Variants in DNAH12 observed in about 807,000 individuals in gnomAD.
DNAH12 encodes axonemal beta dynein heavy chain 12.
DNAH12 carries 285 observed loss-of-function variants against 371.5 expected under a neutral mutation model. That is an observed-to-expected ratio of 0.77 (90% CI 0.70 to 0.85). The LOEUF is 0.85. DNAH12 is among the 40% of genes least tolerant of loss of function. The probability of loss-of-function intolerance (pLI) is 0.00; values close to 1 mark genes in which losing one functional copy is unlikely to be tolerated. For missense variants in DNAH12, 3,611 were observed against 3,689.4 expected, an observed-to-expected ratio of 0.98 and a Z score of 0.55; for synonymous variants, 1,200 against 1,213.0, an observed-to-expected ratio of 0.99 and a Z score of 0.22.
intron 65 of DNAH12, among the ~76,000 whole-genome samples, chr3:57,317,911 G>C (rs1447902214): frequency 1.3e-5 from 2 of 152,110 alleles, no homozygotes; most frequent in Non-Finnish European, 2.9e-5. Flanking sequence ...TTTCCCTGCT[G>C]ACTACTGACA....
chr3:57,520,008 C>A, intron 4 of DNAH12: 1 of 780,514 alleles, frequency 1.3e-6, no homozygotes, highest in South Asian at 1.5e-5. Flanking sequence ...CCACGTCGGC[C>A]ATGGTAGCGC....
intron 11 of DNAH12, among the ~76,000 whole-genome samples, chr3:57,491,880 CCT>C (rs2067138843): frequency 6.6e-6 from 1 of 151,980 alleles, no homozygotes; most frequent in Non-Finnish European, 1.5e-5. Context: ...GTGGCGTGTG[CCT>C]GTAGTCTCAG....
At chr3:57,310,582 A>C in intron 67 of DNAH12, 135 bp downstream of exon 67, 1 of 693,196 alleles carries the variant, frequency 1.4e-6, no homozygotes, top group Non-Finnish European at 2.4e-6. Context: ...TTCAGTAATT[A>C]CTAGAAAAAG....
In DNAH12 at chr3:57,358,226, G is replaced by A. The variant is rs961258357; in HGVS notation, c.9361-878C>T. Reference sequence around the variant, plus strand: ...GGAGAATTAAAACTTTAAAAGCCTCGGAAACTGAAGTTAGGTGGCATTGGC... The same window carrying A: ...GGAGAATTAAAACTTTAAAAGCCTCAGAAACTGAAGTTAGGTGGCATTGGC... On this transcript the variant is annotated intron_variant, in intron 58 of 73. Transcript: ENST00000495027. Among the ~76,000 whole-genome samples, 45 of 152,114 alleles carry A rather than the reference G, an allele frequency of 3.0e-4. 1 individual carries two copies. Among genetic ancestry groups the A allele is most frequent in the Non-Finnish European group, 5.1e-4 (35 of 68,022 alleles).
chr3:57,383,577 G>A (rs1446949891), intron 49 of DNAH12, among the ~76,000 whole-genome samples: 7 of 147,782 alleles, frequency 4.7e-5, no homozygotes, highest in Non-Finnish European at 1.5e-5. Flanking sequence ...GGTAATAAGT[G>A]ACTCTTAAAT....
chr3:57,494,013 A>C (rs1282107096), intron 11 of DNAH12, among the ~76,000 whole-genome samples: 1 of 152,174 alleles, frequency 6.6e-6, no homozygotes, highest in Non-Finnish European at 1.5e-5. Flanking sequence ...CAGGAGGATC[A>C]CTTGCATCCA....
At chr3:57,372,584 A>G (rs1024150407) in intron 55 of DNAH12, among the ~76,000 whole-genome samples, 2 of 152,094 alleles carry the variant, frequency 1.3e-5, no homozygotes, top group African/African-American at 4.8e-5. Flanking sequence ...AGAGAATTAT[A>G]CTGTTGAAAG....
At chr3:57,530,289 T>C (rs1216852274) in intron 2 of DNAH12, 3 of 303,142 alleles carry the variant, frequency 9.9e-6, no homozygotes, top group Non-Finnish European at 1.8e-5. Context: ...TTTTTTTTCT[T>C]GTTACAGAAC....
chr3:57,456,243 G>A (rs1457507126), intron 22 of DNAH12, among the ~76,000 whole-genome samples: 1 of 152,124 alleles, frequency 6.6e-6, no homozygotes, highest in Non-Finnish European at 1.5e-5. Context: ...AATAGTAAAA[G>A]GAGAGAAAAA....
At chr3:57,531,741 C>T (rs145130066) in intron 2 of DNAH12, among the ~76,000 whole-genome samples, 1,504 of 123,834 alleles carry the variant, frequency 0.012, 29 homozygotes, top group African/African-American at 0.046. Flanking sequence ...CTAGCCTGGG[C>T]GACAGAGCAA....
intron 13 of DNAH12, among the ~76,000 whole-genome samples, chr3:57,477,322 C>A (rs1315362739): frequency 6.6e-6 from 1 of 152,120 alleles, no homozygotes; most frequent in Non-Finnish European, 1.5e-5. Context: ...GAGCCTCACT[C>A]ATTGCTAGCA....
intron 39 of DNAH12, among the ~76,000 whole-genome samples, 193 bp downstream of exon 39, chr3:57,413,553 C>T (rs1324874579): frequency 1.3e-5 from 2 of 152,030 alleles, no homozygotes; most frequent in African/African-American, 2.4e-5. Context: ...AAGGAGTATA[C>T]AGGAAATCTC....
intron 49 of DNAH12, among the ~76,000 whole-genome samples, chr3:57,383,664 CG>C (rs1458943175): frequency 1.0e-4 from 8 of 76,452 alleles, no homozygotes; most frequent in African/African-American, 2.2e-4. Flanking sequence ...GGGTGGGGGG[CG>C]GGGGGGATTA....
At chr3:57,342,651 CAAAAAA>C (rs71088061) in intron 60 of DNAH12, among the ~76,000 whole-genome samples, 1 of 35,090 alleles carries the variant, frequency 2.8e-5, no homozygotes, top group African/African-American at 1.3e-4. Context: ...GACTGAGACT[CAAAAAA>C]AAAAAAAAAA....
In DNAH12 at chr3:57,323,093, T is replaced by C. The variant is rs773011221; in HGVS notation, c.10297A>G (p.Met3433Val). The C allele has an allele frequency of 2.1e-5, 32 of 1,552,328 alleles. No homozygotes were observed. In the South Asian group the frequency reaches 3.6e-4, roughly 17 times the overall value. The change falls in exon 64 of 74, where the codon ATG becomes GTG. Residue 3433 changes from methionine to valine, a missense_variant. Coordinates refer to ENST00000495027, the MANE Select transcript of DNAH12 (RefSeq NM_001366028.2). ...AAATCTTCACATATTTTTTCCAACA[T>C]GGGCATCCAGGACACTGCAAGATGG... is the stretch of plus-strand genomic sequence containing the variant. ...NCHLAVSWMPMLEKICEDFTS... is the reference protein window; with the variant it reads ...NCHLAVSWMPVLEKICEDFTS...
At chr3:57,531,824 A>G (rs1031187389) in intron 2 of DNAH12, among the ~76,000 whole-genome samples, 3 of 149,940 alleles carry the variant, frequency 2.0e-5, no homozygotes, top group Non-Finnish European at 3.0e-5. Context: ...GTTAAATGTT[A>G]AATCTGCTTG....
intron 45 of DNAH12, among the ~76,000 whole-genome samples, chr3:57,390,424 A>AAAAAATATATATATAT: frequency 6.0e-5 from 2 of 33,440 alleles, no homozygotes; most frequent in Non-Finnish European, 1.4e-4. Flanking sequence ...AAAAAAAAAA[A>AAAAAATATATATATAT]ATATATATAT....
chr3:57,418,725 A>T (rs1381676479), intron 37 of DNAH12, among the ~76,000 whole-genome samples: 2 of 152,120 alleles, frequency 1.3e-5, no homozygotes, highest in Non-Finnish European at 2.9e-5. Context: ...CACAGAATGC[A>T]TTCAGGAACA....
rs2066194177 is a variant in DNAH12, at chr3:57,466,089, CACA to C, written c.2349+2644_2349+2646del. Among the ~76,000 whole-genome samples the C allele has an allele frequency of 2.0e-5, 3 of 151,966 alleles. No homozygotes were observed. The East Asian group carries it at 5.8e-4, about 29-fold the overall frequency. On this transcript the variant is annotated intron_variant, in intron 17 of 73. Coordinates refer to ENST00000495027, the MANE Select transcript of DNAH12 (RefSeq NM_001366028.2). Reference sequence around the variant, plus strand: ...CAATTCACACACACACACACACACACACACCAGATTAGTCATACATTATATAGG... The same window carrying C: ...CAATTCACACACACACACACACACACCCAGATTAGTCATACATTATATAGG...
Sources: gnomAD v4.1 joint callset for allele counts (sites outside exome capture counted in the v4.1 genomes callset) on GRCh38, gnomAD v4.1.1 for gene constraint, MANE v1.5 for transcripts, NCBI Gene and HGNC (gene_info 2026-07-23, HGNC 2026-07-21) for gene names.